Variants in SERPINE2 observed in about 807,000 individuals in gnomAD.
SERPINE2 encodes the protein serpin family E member 2.
SERPINE2 carries 14 observed loss-of-function variants against 36.3 expected under a neutral mutation model. The observed-to-expected ratio is 0.39, with a 90% CI of 0.25 to 0.60. SERPINE2 has a LOEUF of 0.60. Among genes scored for constraint, SERPINE2 ranks in the 20% least tolerant of loss-of-function variants. The pLI is 0.57. For missense variants in SERPINE2, 418 were observed against 499.6 expected (o/e 0.84, Z 1.56); for synonymous variants, 192 against 191.8 (o/e 1.00, Z -0.01).
chr2:223,975,929 C>T (rs942865985), intron 8 of SERPINE2, 25 bp from the exon 9 acceptor site: 1 of 1,580,466 alleles, frequency 6.3e-7, no homozygotes. Flanking sequence ...GAAAACAATG[C>T]ATGACTCTGT....
At chr2:224,027,313 A>G (rs565205924) in intron 1 of SERPINE2, among the ~76,000 whole-genome samples, 1 of 152,262 alleles carries the variant, frequency 6.6e-6, no homozygotes, top group South Asian at 2.1e-4. Flanking sequence ...GTGGTGAGGC[A>G]ATGCACAGAA....
chr2:223,995,921 T>C (rs1023384719), intron 3 of SERPINE2, among the ~76,000 whole-genome samples: 40 of 152,268 alleles, frequency 2.6e-4, no homozygotes, highest in Non-Finnish European at 4.0e-4. Context: ...TTGAACTACA[T>C]ATATACATTT....
intron 1 of SERPINE2, among the ~76,000 whole-genome samples, chr2:224,014,658 C>G (rs1190047916): frequency 6.6e-6 from 1 of 152,136 alleles, no homozygotes; most frequent in Non-Finnish European, 1.5e-5. Flanking sequence ...CATAAGGAAA[C>G]CCATATCCAC....
intron 1 of SERPINE2, among the ~76,000 whole-genome samples, chr2:224,003,721 G>A (rs943891604): frequency 2.0e-5 from 3 of 152,206 alleles, no homozygotes; most frequent in African/African-American, 7.2e-5. Flanking sequence ...AGTGGCAGCT[G>A]GTAAAACAAA....
chr2:223,993,914 T>A (rs1690775820), intron 3 of SERPINE2, among the ~76,000 whole-genome samples: 1 of 152,206 alleles, frequency 6.6e-6, no homozygotes, highest in South Asian at 2.1e-4. Flanking sequence ...AAACAGACTG[T>A]CCTGTGGGAG....
intron 1 of SERPINE2, chr2:224,031,431 G>A (rs926995111): frequency 1.3e-5 from 13 of 985,432 alleles, no homozygotes; most frequent in African/African-American, 3.5e-5. Flanking sequence ...GCTGGGGAAC[G>A]CCAGGCAGCA....
chr2:224,026,508 C>G (rs1326658043), intron 1 of SERPINE2, among the ~76,000 whole-genome samples: 1 of 152,206 alleles, frequency 6.6e-6, no homozygotes, highest in East Asian at 1.9e-4. Flanking sequence ...CCCATCTGTT[C>G]TCAGCCAGTC....
At chr2:224,027,087 A>C (rs1032783518) in intron 1 of SERPINE2, among the ~76,000 whole-genome samples, 2 of 152,232 alleles carry the variant, frequency 1.3e-5, no homozygotes, top group Non-Finnish European at 2.9e-5. Flanking sequence ...GCTATGTGCC[A>C]ACATTTCCCT....
At chr2:224,027,111 T>A (rs2106197951) in intron 1 of SERPINE2, among the ~76,000 whole-genome samples, 1 of 152,306 alleles carries the variant, frequency 6.6e-6, no homozygotes, top group African/African-American at 2.4e-5. Context: ...CAGAGAGATT[T>A]ACCTCTGGCA....
At chr2:224,016,428 C>T (rs1013033614) in intron 1 of SERPINE2, among the ~76,000 whole-genome samples, 10 of 151,484 alleles carry the variant, frequency 6.6e-5, no homozygotes, top group African/African-American at 2.2e-4. Context: ...ATCGCTTGAA[C>T]CCGGGAGATG....
At chr2:223,984,716 T>C (rs1690357245) in intron 5 of SERPINE2, 36 bp downstream of exon 5, 1 of 1,593,196 alleles carries the variant, frequency 6.3e-7, no homozygotes, top group Non-Finnish European at 8.6e-7. Flanking sequence ...GATTGAATAA[T>C]GCCACTGTTT....
At chr2:224,027,293 A>G (rs562402597) in intron 1 of SERPINE2, among the ~76,000 whole-genome samples, 7 of 151,814 alleles carry the variant, frequency 4.6e-5, no homozygotes, top group African/African-American at 1.5e-4. Flanking sequence ...TTGGGCTATC[A>G]GCCTCTCACG....
chr2:224,033,138 G>C (rs1214721870), intron 1 of SERPINE2, among the ~76,000 whole-genome samples: 1 of 152,140 alleles, frequency 6.6e-6, no homozygotes, highest in Admixed American at 6.5e-5. Flanking sequence ...ACCCAACATT[G>C]GTTTTCAGAT....
At chr2:224,037,696 G>A (rs1447261948) in intron 1 of SERPINE2, among the ~76,000 whole-genome samples, 1 of 152,130 alleles carries the variant, frequency 6.6e-6, no homozygotes, top group Non-Finnish European at 1.5e-5. Flanking sequence ...ATCTCTGACT[G>A]GTATTTAATC....
intron 1 of SERPINE2, among the ~76,000 whole-genome samples, chr2:224,034,765 G>C (rs1360781263): frequency 6.6e-6 from 1 of 152,158 alleles, no homozygotes; most frequent in Non-Finnish European, 1.5e-5. Flanking sequence ...TTGGGATATA[G>C]AATCGACCCT....
At chr2:223,977,002 G>C (rs1690040037) in intron 8 of SERPINE2, among the ~76,000 whole-genome samples, 1 of 152,114 alleles carries the variant, frequency 6.6e-6, no homozygotes, top group Admixed American at 6.5e-5. Flanking sequence ...GTTTTATAAG[G>C]GGTTTCCCAC....
intron 1 of SERPINE2, among the ~76,000 whole-genome samples, chr2:224,038,023 A>G (rs1179220045): frequency 6.6e-6 from 1 of 152,200 alleles, no homozygotes; most frequent in Non-Finnish European, 1.5e-5. Context: ...TTAGACCTTC[A>G]GATAGTGTTG....
At chr2:223,997,688 T>C (rs931563807) in intron 3 of SERPINE2, among the ~76,000 whole-genome samples, 1 of 152,162 alleles carries the variant, frequency 6.6e-6, no homozygotes, top group Non-Finnish European at 1.5e-5. Flanking sequence ...CCTATGTCTT[T>C]GGCAATGGCA....
rs118174551 is a variant in SERPINE2 at position 224,011,151 on chromosome 2, T to C, written c.-22-9229A>G. On this transcript the variant is annotated intron_variant, in intron 1 of 8. Coordinates refer to ENST00000409304, the MANE Select transcript of SERPINE2 (RefSeq NM_001136528.2). ...TGGTTTACCTATGTATCAAGTCCTA[T>C]AGACTTTTCTTTTTGATATGTCTTT... 2.0e-4 allele frequency among the ~76,000 whole-genome samples: 31 copies of C among 152,336 alleles called. 1 individual carries two copies. In the East Asian group the frequency reaches 6.0e-3, roughly 29 times the overall value.
Sources: gnomAD v4.1 joint callset for allele counts (sites outside exome capture counted in the v4.1 genomes callset) on GRCh38, gnomAD v4.1.1 for gene constraint, MANE v1.5 for transcripts, NCBI Gene and HGNC (gene_info 2026-07-23, HGNC 2026-07-21) for gene names.